The following PPP2R5C variants were observed in gnomAD, a reference collection of about 807,000 sequenced individuals.
PPP2R5C encodes serine/threonine-protein phosphatase 2A 56 kDa regulatory subunit gamma isoform.
In PPP2R5C, 7 loss-of-function variants were observed where a neutral mutation model predicts 68.9. That is an observed-to-expected ratio of 0.10 (90% CI 0.06 to 0.19). The LOEUF is 0.19. Ranked by LOEUF, PPP2R5C falls within the 10% of genes least tolerant of loss-of-function variation. PPP2R5C has a pLI of 1.00. For missense variants in PPP2R5C, 348 were observed against 641.3 expected, an observed-to-expected ratio of 0.54 and a Z score of 4.94; for synonymous variants, 210 against 222.2, an observed-to-expected ratio of 0.95 and a Z score of 0.49.
At chr14:101,868,179 A>T (rs2043195166) in intron 2 of PPP2R5C, among the ~76,000 whole-genome samples, 2 of 152,240 alleles carry the variant, frequency 1.3e-5, no homozygotes, top group South Asian at 4.1e-4. Flanking sequence ...TACATTGACC[A>T]ATGGAGTTGC....
intron 12 of PPP2R5C, chr14:101,914,672 C>T (rs191745935): frequency 7.1e-5 from 11 of 155,598 alleles, no homozygotes; most frequent in African/African-American, 2.2e-4. Context: ...ACCCAGCAGG[C>T]GTTGGGGACC....
At chr14:101,908,837 T>G (rs559393666) in intron 10 of PPP2R5C, among the ~76,000 whole-genome samples, 2 of 152,358 alleles carry the variant, frequency 1.3e-5, no homozygotes, top group East Asian at 3.9e-4. Context: ...TTAAGTGTTT[T>G]CTAAGTACAA....
intron 12 of PPP2R5C, 184 bp downstream of exon 14, chr14:101,912,657 C>T: frequency 4.8e-6 from 6 of 1,245,450 alleles, no homozygotes; most frequent in Non-Finnish European, 6.2e-6. Context: ...TATTTTGCCC[C>T]ATATCGTTTT....
intron 1 of PPP2R5C, among the ~76,000 whole-genome samples, chr14:101,828,676 C>CTTTTTTTT (rs547728275): frequency 7.6e-6 from 1 of 131,060 alleles, no homozygotes; most frequent in African/African-American, 2.8e-5. Flanking sequence ...CACAGATACT[C>CTTTTTTTT]TTTTTTTTTT....
At chr14:101,862,473 A>G (rs1299145807) in intron 2 of PPP2R5C, among the ~76,000 whole-genome samples, 1 of 152,202 alleles carries the variant, frequency 6.6e-6, no homozygotes, top group Non-Finnish European at 1.5e-5. Context: ...TGAATGTGAG[A>G]GTATAGACCC....
At chr14:101,790,104 A>C (rs1164261031) in intron 3 of PPP2R5C, among the ~76,000 whole-genome samples, 3 of 151,092 alleles carry the variant, frequency 2.0e-5, no homozygotes. Flanking sequence ...CCTTTTCTTC[A>C]TTTATTAAGT....
At chr14:101,898,359 A>G (rs926714733) in intron 8 of PPP2R5C, among the ~76,000 whole-genome samples, 4 of 152,108 alleles carry the variant, frequency 2.6e-5, no homozygotes, top group African/African-American at 4.8e-5. Context: ...CAGCATCTCT[A>G]TCCCGCCATC....
chr14:101,808,211 T>C (rs2039153194), upstream of PPP2R5C, among the ~76,000 whole-genome samples: 1 of 151,404 alleles, frequency 6.6e-6, no homozygotes, highest in Non-Finnish European at 1.5e-5. Context: ...AGGTCAGCAG[T>C]GAAGGCTTAG....
At chr14:101,776,372 G>T (rs547288399) in intron 2 of PPP2R5C, among the ~76,000 whole-genome samples, 1 of 152,006 alleles carries the variant, frequency 6.6e-6, no homozygotes, top group African/African-American at 2.4e-5. Flanking sequence ...AAACCAGATC[G>T]CTAAACAGTA....
intron 1 of PPP2R5C, among the ~76,000 whole-genome samples, chr14:101,828,925 C>T (rs2040564129): frequency 2.6e-5 from 4 of 152,138 alleles, no homozygotes; most frequent in Non-Finnish European, 5.9e-5. Flanking sequence ...GTGATCCACC[C>T]GCCTCGGCTT....
chr14:101,772,281 C>A (rs1249564647), intron 2 of PPP2R5C, among the ~76,000 whole-genome samples: 1 of 151,786 alleles, frequency 6.6e-6, no homozygotes, highest in African/African-American at 2.4e-5. Flanking sequence ...AGAGGGAATG[C>A]ATGGTGAGAC....
intron 3 of PPP2R5C, among the ~76,000 whole-genome samples, chr14:101,802,951 T>TAAAAAA (rs571594853): frequency 1.0e-5 from 1 of 99,930 alleles, no homozygotes; most frequent in Non-Finnish European, 2.0e-5. Flanking sequence ...GGCTACTATT[T>TAAAAAA]AAAAAAAAAA....
intron 1 of PPP2R5C, among the ~76,000 whole-genome samples, chr14:101,829,561 G>A (rs1192357203): frequency 2.6e-5 from 4 of 152,216 alleles, no homozygotes; most frequent in Non-Finnish European, 5.9e-5. Context: ...AACACTGATC[G>A]TGCTTTACTT....
At chr14:101,838,448 T>C (rs1201329919) in intron 1 of PPP2R5C, among the ~76,000 whole-genome samples, 2 of 152,236 alleles carry the variant, frequency 1.3e-5, no homozygotes, top group Non-Finnish European at 2.9e-5. Context: ...AAGAATGATA[T>C]AAAGAATTTA....
intron 9 of PPP2R5C, among the ~76,000 whole-genome samples, chr14:101,905,794 C>G (rs1234066152): frequency 6.6e-6 from 1 of 152,194 alleles, no homozygotes; most frequent in Non-Finnish European, 1.5e-5. Context: ...GGTCCTCAGC[C>G]AGCCCCGTGC....
Position 101,882,993 on chromosome 14 carries a change from T to C in PPP2R5C, c.406-264T>C, listed in dbSNP as rs1253198038. Reference sequence around the variant, plus strand: ...TCTGTGCCCTGTAGTCCCTGAACAGTGTACTATAACTGATGACATCAGCCA... The same window carrying C: ...TCTGTGCCCTGTAGTCCCTGAACAGCGTACTATAACTGATGACATCAGCCA... On this transcript the variant is annotated intron_variant, in intron 3 of 13. Coordinates refer to ENST00000334743, the Ensembl canonical transcript of PPP2R5C. The surrounding 1 kb of genome is among the most constrained non-coding windows in gnomAD (Gnocchi z 4.9). The C allele has an allele frequency of 2.7e-6, 1 of 368,962 alleles. No individual in the cohort carries two copies. Among genetic ancestry groups the C allele is most frequent in the Non-Finnish European group, 4.9e-6 (1 of 203,488 alleles). The allele number at this position is 368,962 out of a possible 1,614,324, so 22.9% of individuals were successfully genotyped here. A position where few individuals can be genotyped will look rare whatever the true frequency, so the allele number is the denominator to read the frequency against.
chr14:101,909,736 T>C, intron 11 of PPP2R5C, 46 bp downstream of exon 13: 1 of 1,395,166 alleles, frequency 7.2e-7, no homozygotes, highest in Non-Finnish European at 1.0e-6. Context: ...ATTTTTTTCT[T>C]AATCCTAAGT....
Position 101,917,124 on chromosome 14 carries a change from A to AC in PPP2R5C, c.1327-702dup, listed in dbSNP as rs542827291. Among the ~76,000 whole-genome samples the AC allele has an allele frequency of 5.7e-3, 861 of 151,720 alleles. 7 individuals are homozygous for AC. Among genetic ancestry groups the AC allele is most frequent in the Middle Eastern group, 0.01 (3 of 294 alleles). On this transcript the variant is annotated intron_variant, in intron 12 of 13. Transcript: ENST00000334743. The surrounding 1 kb of genome is among the most constrained non-coding windows in gnomAD (Gnocchi z 4.4). The stretch of plus-strand genomic sequence containing the variant: ...CACAGCCACCCTCCGGGGTGACCTT[A>AC]CCCCCGCACTACACTCATGGAAATG...
chr14:101,903,174 A>G (rs775844400), intron 9 of PPP2R5C, among the ~76,000 whole-genome samples: 1 of 152,080 alleles, frequency 6.6e-6, no homozygotes, highest in Non-Finnish European at 1.5e-5. Flanking sequence ...TTCGTATGCC[A>G]AGGAGAGACT....
Sources: allele counts gnomAD v4.1 joint callset (sites outside exome capture counted in the v4.1 genomes callset), GRCh38; gene constraint gnomAD v4.1.1; non-coding constraint Gnocchi (gnomAD v3.1); transcripts MANE v1.5; gene names NCBI Gene and HGNC (gene_info 2026-07-23, HGNC 2026-07-21).